Variants in DIAPH3 observed in about 807,000 individuals in gnomAD.
The protein encoded by DIAPH3 is diaphanous related formin 3.
Under a neutral mutation model 144.3 loss-of-function variants are expected in DIAPH3, and 117 were observed. That is an observed-to-expected ratio of 0.81 (90% CI 0.70 to 0.95). The LOEUF (loss-of-function observed/expected upper bound fraction) is 0.95. Among genes scored for constraint, DIAPH3 ranks in the 40% least tolerant of loss-of-function variants. The probability of loss-of-function intolerance (pLI) is 0.00; values close to 1 mark genes in which losing one functional copy is unlikely to be tolerated. For synonymous variants in DIAPH3, 519 were observed against 488.9 expected, an observed-to-expected ratio of 1.06 and a Z score of -0.81; for missense variants, 1,421 against 1,412.7, an observed-to-expected ratio of 1.01 and a Z score of -0.09.
chr13:59,974,013 G>A (rs2050532097), intron 15 of DIAPH3, among the ~76,000 whole-genome samples: 1 of 152,032 alleles, frequency 6.6e-6, no homozygotes, highest in African/African-American at 2.4e-5. Flanking sequence ...TAAATAGCTT[G>A]AGCAATAATT....
chr13:60,106,129 G>A (rs1256004419), intron 3 of DIAPH3, among the ~76,000 whole-genome samples: 1 of 152,004 alleles, frequency 6.6e-6, no homozygotes, highest in Admixed American at 6.6e-5. Flanking sequence ...ATTTTTATCG[G>A]TTCACCTGAG....
chr13:59,724,765 T>C (rs969559455), intron 27 of DIAPH3, among the ~76,000 whole-genome samples: 5 of 152,196 alleles, frequency 3.3e-5, no homozygotes, highest in Non-Finnish European at 7.4e-5. Context: ...AAATTACACA[T>C]AATAGAAATC....
intron 18 of DIAPH3, 59 bp downstream of exon 18, chr13:59,924,716 G>C (rs1396580491): frequency 1.3e-6 from 2 of 1,562,944 alleles, no homozygotes; most frequent in Non-Finnish European, 1.7e-6. Context: ...TAAAGAAAAT[G>C]AAATCATTTA....
intron 1 of DIAPH3, among the ~76,000 whole-genome samples, chr13:60,136,193 G>GA (rs1442082688): frequency 6.6e-6 from 1 of 152,024 alleles, no homozygotes; most frequent in Non-Finnish European, 1.5e-5. Flanking sequence ...ATTAAAATTA[G>GA]AAAAAACTTT....
At chr13:59,930,629 C>T (rs1408324626) in intron 17 of DIAPH3, among the ~76,000 whole-genome samples, 6 of 152,052 alleles carry the variant, frequency 3.9e-5, no homozygotes, top group African/African-American at 9.7e-5. Context: ...GAGTCAGGTA[C>T]CAGATCACAT....
chr13:60,160,915 C>G (rs1490677036), intron 1 of DIAPH3, among the ~76,000 whole-genome samples: 2 of 152,170 alleles, frequency 1.3e-5, no homozygotes, highest in Non-Finnish European at 2.9e-5. Context: ...ACTCTTTTAC[C>G]CAACTCACAA....
In DIAPH3 at chr13:60,008,616, A is replaced by T. The variant is rs377700207; in HGVS notation, c.942T>A (p.Ala314=). The change falls in exon 9 of 28, where the codon GCT becomes GCA. Residue 314 remains alanine, a synonymous_variant. Coordinates refer to ENST00000400324, the MANE Select transcript of DIAPH3 (RefSeq NM_001042517.2). Reference sequence around the variant, plus strand: ...ATCTGTCAATTTTTTTTTCTTCACCAGCTGAAGTTAAAGCTTCTAAAACTT... The same window carrying T: ...ATCTGTCAATTTTTTTTTCTTCACCTGCTGAAGTTAAAGCTTCTAAAACTT... ...LEEVLEALTS[A]GEEKKIDRFF... 2 of 1,613,548 alleles carry T rather than the reference A, an allele frequency of 1.2e-6. No individual in the cohort carries two copies. Among genetic ancestry groups the T allele is most frequent in the African/African-American group, 1.3e-5 (1 of 74,890 alleles).
intron 5 of DIAPH3, 105 bp downstream of exon 5, chr13:60,042,585 C>T (rs1028183316): frequency 3.6e-6 from 5 of 1,382,048 alleles, no homozygotes; most frequent in Non-Finnish European, 5.0e-6. Context: ...TCAGTTTGTA[C>T]TTTGAGAAAC....
At chr13:60,005,202 G>T (rs938444779) in intron 9 of DIAPH3, among the ~76,000 whole-genome samples, 1 of 152,124 alleles carries the variant, frequency 6.6e-6, no homozygotes, top group African/African-American at 2.4e-5. Flanking sequence ...ACTCCAACAT[G>T]AACGAACCTC....
intron 27 of DIAPH3, among the ~76,000 whole-genome samples, chr13:59,689,404 G>A (rs1403810569): frequency 6.6e-6 from 1 of 152,016 alleles, no homozygotes; most frequent in Non-Finnish European, 1.5e-5. Flanking sequence ...ATGAAGGATT[G>A]AAAATGGATT....
rs1214652649 is a variant in DIAPH3, at chr13:59,697,332, C to T, written c.3320-30486G>A. Among the ~76,000 whole-genome samples, 3 of 151,446 alleles carry T rather than the reference C, an allele frequency of 2.0e-5. No individual in the cohort carries two copies. In the South Asian group the frequency reaches 6.3e-4, roughly 32 times the overall value. On this transcript the variant is annotated intron_variant, in intron 27 of 27. Transcript: ENST00000400324. Reference sequence around the variant, plus strand: ...AAAATTAGCCGGGCGTGGTGGCAGGCGCCTGTAGTGCCAGCTGCTCAGGAG... The same window carrying T: ...AAAATTAGCCGGGCGTGGTGGCAGGTGCCTGTAGTGCCAGCTGCTCAGGAG...
At chr13:60,089,916 G>A (rs949066906) in intron 4 of DIAPH3, among the ~76,000 whole-genome samples, 4 of 152,230 alleles carry the variant, frequency 2.6e-5, no homozygotes, top group African/African-American at 7.2e-5. Context: ...GCATGTGGAT[G>A]GTATATCAGG....
intron 27 of DIAPH3, among the ~76,000 whole-genome samples, chr13:59,672,763 A>C (rs73540693): frequency 0.032 from 4,942 of 152,314 alleles, 288 homozygotes; most frequent in African/African-American, 0.11. Flanking sequence ...AAAATATATA[A>C]AAATAATTCA....
At position 60,042,675 on chromosome 13, in the gene DIAPH3, A is replaced by G; in HGVS notation, c.626+15T>C. On this transcript the variant is annotated intron_variant, in intron 5 of 27. Coordinates refer to ENST00000400324, the MANE Select transcript of DIAPH3 (RefSeq NM_001042517.2). ...AATGACATCTGCCCTGTTGGTGTTC[A>G]AATAGATGAATTACCTCACAGGATT... 1.2e-6 allele frequency: 2 copies of G among 1,613,380 alleles called. No homozygotes were observed. Among genetic ancestry groups the G allele is most frequent in the East Asian group, 4.5e-5 (2 of 44,768 alleles).
intron 1 of DIAPH3, among the ~76,000 whole-genome samples, chr13:60,149,337 G>GT (rs1951676435): frequency 6.6e-6 from 1 of 152,188 alleles, no homozygotes; most frequent in Non-Finnish European, 1.5e-5. Context: ...TCTGAAAAAG[G>GT]TATCAAGGGG....
chr13:59,734,254 G>A (rs1445730736), intron 27 of DIAPH3, among the ~76,000 whole-genome samples: 2 of 152,078 alleles, frequency 1.3e-5, no homozygotes, highest in Non-Finnish European at 2.9e-5. Flanking sequence ...TACATAATAC[G>A]TGACATTCTG....
chr13:59,815,902 ACTTGT>A (rs985585736), intron 24 of DIAPH3, among the ~76,000 whole-genome samples: 48 of 152,046 alleles, frequency 3.2e-4, no homozygotes, highest in African/African-American at 1.1e-3. Flanking sequence ...TTCAACTCCT[ACTTGT>A]CTTATCTTGC....
intron 27 of DIAPH3, among the ~76,000 whole-genome samples, chr13:59,760,699 ATGT>A (rs1391486289): frequency 6.6e-6 from 1 of 152,190 alleles, no homozygotes; most frequent in Non-Finnish European, 1.5e-5. Flanking sequence ...AAAAGAAAAA[ATGT>A]TGTCAGACTT....
chr13:60,043,346 C>T (rs2055827569), intron 4 of DIAPH3, among the ~76,000 whole-genome samples: 1 of 152,184 alleles, frequency 6.6e-6, no homozygotes. Context: ...TCCTGTAACA[C>T]AGCACCAAGA....
Sources: allele counts gnomAD v4.1 joint callset (sites outside exome capture counted in the v4.1 genomes callset), GRCh38; gene constraint gnomAD v4.1.1; transcripts MANE v1.5; gene names NCBI Gene and HGNC (gene_info 2026-07-23, HGNC 2026-07-21).